WDR38: variants seen among roughly 807,000 people sequenced by gnomAD.
WDR38 encodes the protein WD repeat-containing protein 38.
In WDR38, 37 loss-of-function variants were observed where a neutral mutation model predicts 36.6. The observed-to-expected ratio is 1.01, with a 90% CI of 0.78 to 1.33. WDR38 has a LOEUF of 1.33. WDR38 is among the 40% of genes most tolerant of loss of function. The pLI is 0.00. For synonymous variants in WDR38, 164 were observed against 168.1 expected (o/e 0.98, Z 0.19); for missense variants, 411 against 414.6 (o/e 0.99, Z 0.07).
rs1588032590 is a variant in WDR38, at chr9:124,856,223, C to G, written c.406-17C>G. ...GGCTGCCCTCTGCTGCCTTCTGCAG[C>G]TCAGGGCTCTCTCTAGTCCGGCCAG... is the stretch of plus-strand genomic sequence containing the variant. On this transcript the variant is annotated splice_polypyrimidine_tract_variant and intron_variant, in intron 4 of 8. Coordinates refer to ENST00000373574, the MANE Select transcript of WDR38 (RefSeq NM_001045476.3). 3 of 1,614,114 alleles carry G rather than the reference C, an allele frequency of 1.9e-6. No individual in the cohort carries two copies. Among genetic ancestry groups the G allele is most frequent in the Non-Finnish European group, 2.5e-6 (3 of 1,180,046 alleles).
chr9:124,854,323 C>G lies in WDR38; in HGVS notation c.188C>G (p.Thr63Arg). The change falls in exon 2 of 9, where the codon ACA becomes AGA. Residue 63 changes from threonine to arginine, a missense_variant and splice_region_variant. Coordinates refer to ENST00000373574, the MANE Select transcript of WDR38 (RefSeq NM_001045476.3). ...CTGCTGTGGAGGCTGGGTGGCCACA[C>G]AGGTGGGGCTCCCACACCTGGCCGG... ...GQLLWRLGGH[T>R]GPVKFCRFSP... The G allele has an allele frequency of 5.0e-6, 8 of 1,613,640 alleles. No homozygotes were observed. Among genetic ancestry groups the G allele is most frequent in the Non-Finnish European group, 6.8e-6 (8 of 1,179,924 alleles).
rs780110177 is a variant in WDR38, at chr9:124,857,654, G to A, written c.*24G>A. 80 of 1,612,498 alleles carry A rather than the reference G, an allele frequency of 5.0e-5. No individual in the cohort carries two copies. Among genetic ancestry groups the A allele is most frequent in the Non-Finnish European group, 5.8e-5 (68 of 1,179,906 alleles). On this transcript the variant is annotated 3_prime_UTR_variant, in exon 9 of 9. Coordinates refer to ENST00000373574, the MANE Select transcript of WDR38 (RefSeq NM_001045476.3). Reference sequence around the variant, plus strand: ...AACACCAACCACCTTAGATGGTGCCGACCTCACCCGCTCCCCTCAGTGGCG... The same window carrying A: ...AACACCAACCACCTTAGATGGTGCCAACCTCACCCGCTCCCCTCAGTGGCG...
At chr9:124,856,166 C>A (rs1161556008) in intron 4 of WDR38, 74 bp from the exon 5 acceptor site, 1 of 1,598,654 alleles carries the variant, frequency 6.3e-7, no homozygotes, top group African/African-American at 1.3e-5. Flanking sequence ...GCACGAGGTC[C>A]CCCTTTCCTG....
In WDR38 at chr9:124,855,870, G is replaced by T. The variant is rs267602127; in HGVS notation, c.317G>T (p.Arg106Leu). The T allele has an allele frequency of 1.2e-6, 2 of 1,614,026 alleles. No homozygotes were observed. The highest frequency in any genetic ancestry group is 2.7e-5 in the African/African-American group (2 of 74,926). ...KCLRVLKGHQRSVETVSFSPD... is the reference protein window; with the variant it reads ...KCLRVLKGHQLSVETVSFSPD... Reference sequence around the variant, plus strand: ...GGGCTGGTGCCTGCAGGTCACCAACGGAGTGTGGAGACGGTCAGCTTCAGC... The same window carrying T: ...GGGCTGGTGCCTGCAGGTCACCAACTGAGTGTGGAGACGGTCAGCTTCAGC... The change falls in exon 4 of 9, where the codon CGG becomes CTG. Residue 106 changes from arginine (R) to leucine (L), a missense_variant. By Grantham distance (102) the Arg-to-Leu change is moderately radical. Coordinates refer to ENST00000373574, the MANE Select transcript of WDR38 (RefSeq NM_001045476.3).
At position 124,857,527 on chromosome 9, in the gene WDR38, G is replaced by C. The variant is rs751399069; in HGVS notation, c.842G>C (p.Cys281Ser). 1 of 1,614,068 alleles carries C rather than the reference G, an allele frequency of 6.2e-7. No individual in the cohort carries two copies. Among genetic ancestry groups the C allele is most frequent in the Non-Finnish European group, 8.5e-7 (1 of 1,180,036 alleles). ...LKGVLDVAHT[C>S]AFTPDGKILV... ...GGAGTCCTGGATGTGGCCCACACCT[G>C]TGCCTTCACCCCAGATGGGAAAATC... Residue 281 changes from cysteine (C) to serine (S), a missense_variant, in exon 9 of 9, where the codon TGT (cysteine) becomes TCT (serine). Cys to Ser is a moderately radical substitution (Grantham distance 112). Coordinates refer to ENST00000373574, the MANE Select transcript of WDR38 (RefSeq NM_001045476.3).
In WDR38 at chr9:124,853,522, C is replaced by T. The variant is rs1334036193; in HGVS notation, c.-10C>T. The T allele has an allele frequency of 4.0e-6, 5 of 1,243,254 alleles. No individual in the cohort carries two copies. In the East Asian group the frequency reaches 1.3e-4, roughly 31 times the overall value. The allele number at this position is 1,243,254 out of a possible 1,614,324, so 77.0% of individuals were successfully genotyped here. A position where few individuals can be genotyped will look rare whatever the true frequency, so the allele number is the denominator to read the frequency against. ...GGGAGCCCGCCGGGGCGGGGCGGGG[C>T]CGGGTGCCCATGAACAGCGGGGTCC... On this transcript the variant is annotated 5_prime_UTR_variant, in exon 1 of 9. Transcript: ENST00000373574.
In WDR38 at chr9:124,856,904, G is replaced by A. The variant is rs116715296; in HGVS notation, c.768+23G>A. 1,542 of 1,612,468 alleles carry A rather than the reference G, an allele frequency of 9.6e-4. 17 individuals carry two copies. The African/African-American group carries it at 0.018, about 19-fold the overall frequency. On this transcript the variant is annotated intron_variant, in intron 7 of 8. Transcript: ENST00000373574. ...ATGGTAACCACCCCGGGCCCATCCT[G>A]CTCCTACCTACCCATCCTCACCCCA...
Position 124,857,668 on chromosome 9 carries a change from C to G in WDR38, c.*38C>G. 6.2e-7 allele frequency: 1 copy of G among 1,611,498 alleles called. No individual in the cohort carries two copies. Among genetic ancestry groups the G allele is most frequent in the South Asian group, 1.1e-5 (1 of 90,986 alleles). ...TAGATGGTGCCGACCTCACCCGCTC[C>G]CCTCAGTGGCGCACAGGCATGCCGC... On this transcript the variant is annotated 3_prime_UTR_variant, in exon 9 of 9. Coordinates refer to ENST00000373574, the MANE Select transcript of WDR38 (RefSeq NM_001045476.3).
In WDR38 at chr9:124,855,659, C is replaced by T; in HGVS notation, c.216C>T (p.Ser72=). The T allele has an allele frequency of 6.2e-7, 1 of 1,612,158 alleles. No homozygotes were observed. Among genetic ancestry groups the T allele is most frequent in the Non-Finnish European group, 8.5e-7 (1 of 1,180,032 alleles). The change falls in exon 3 of 9, where the codon TCC becomes TCT. Residue 72 remains serine, a synonymous_variant. Transcript: ENST00000373574. ...HTGPVKFCRF[S]PDGHLFASAS... ...GCCCCGTGAAGTTCTGCCGCTTCTC[C>T]CCTGATGGCCACCTCTTCGCCAGCG... is the stretch of plus-strand genomic sequence containing the variant.
Position 124,856,453 on chromosome 9 carries a change from CAG to C in WDR38, c.487-14_487-13del. ...TGGAGAGCTGGCTGGGCCAGACTCA[CAG>C]AAGCTGCCTGCAGGCCACCGGCTCC... On this transcript the variant is annotated splice_polypyrimidine_tract_variant and intron_variant, in intron 5 of 8. Coordinates refer to ENST00000373574, the MANE Select transcript of WDR38 (RefSeq NM_001045476.3). 6.2e-7 allele frequency: 1 copy of C among 1,612,170 alleles called. No homozygotes were observed. Among genetic ancestry groups the C allele is most frequent in the Non-Finnish European group, 8.5e-7 (1 of 1,179,228 alleles).
chr9:124,855,592 G>A (rs746321595), intron 2 of WDR38, 42 bp from the exon 3 acceptor site: 1 of 1,572,612 alleles, frequency 6.4e-7, no homozygotes, highest in African/African-American at 1.3e-5. Context: ...GGGCAGAAGT[G>A]GCGGGCAGTG....
At chr9:124,854,137 T>TA (rs1828981717) in intron 1 of WDR38, 68 bp from the exon 2 acceptor site, 3 of 1,601,578 alleles carry the variant, frequency 1.9e-6, no homozygotes, top group Admixed American at 3.3e-5. Context: ...GGGGCAGTGT[T>TA]TAGGGGTCAG....
intron 2 of WDR38, among the ~76,000 whole-genome samples, chr9:124,854,755 G>T (rs113026842): frequency 6.4e-4 from 97 of 152,178 alleles, no homozygotes; most frequent in African/African-American, 2.2e-3. Flanking sequence ...TAGTAGAGAC[G>T]GGGTTTCACC....
In WDR38 at chr9:124,857,375, G is replaced by A; in HGVS notation, c.780G>A (p.Trp260Ter). The change falls in exon 8 of 9, where the codon TGG becomes TGA. Residue 260 changes from tryptophan to a stop codon, truncating the protein, a stop_gained. Transcript: ENST00000373574. LOFTEE classifies it low-confidence loss of function (END_TRUNC). ...CCCTCCTTTTCCAGGTCAAAGTCTG[G>A]GACTGCAACACAGGAAAGTGCCTTG... ...SAGYSRMVKV[W>*]DCNTGKCLET... The A allele has an allele frequency of 6.2e-7, 1 of 1,614,100 alleles. No individual in the cohort carries two copies. Among genetic ancestry groups the A allele is most frequent in the South Asian group, 1.1e-5 (1 of 91,068 alleles).
At chr9:124,853,951 G>C (rs1212280839) in intron 1 of WDR38, among the ~76,000 whole-genome samples, 1 of 152,144 alleles carries the variant, frequency 6.6e-6, no homozygotes, top group Non-Finnish European at 1.5e-5. Flanking sequence ...TGTCAGCTGC[G>C]GCTCTGGAAT....
chr9:124,853,754 T>C (rs1395525612), intron 1 of WDR38, among the ~76,000 whole-genome samples, 154 bp downstream of exon 1: 1 of 152,072 alleles, frequency 6.6e-6, no homozygotes, highest in Non-Finnish European at 1.5e-5. Flanking sequence ...TCGAAGTAGG[T>C]TCTCAGCTCC....
intron 2 of WDR38, among the ~76,000 whole-genome samples, chr9:124,854,987 A>G (rs4838229): frequency 0.95 from 144,227 of 152,264 alleles, 68,589 homozygotes; most frequent in Non-Finnish European, 0.99. Context: ...CAAGTCCCCA[A>G]TCTCCCTCCT....
At chr9:124,856,355 T>A in intron 5 of WDR38, 35 bp downstream of exon 5, 1 of 1,613,346 alleles carries the variant, frequency 6.2e-7, no homozygotes, top group Non-Finnish European at 8.5e-7. Context: ...CCCACCTCAG[T>A]GGCCCCATAC....
intron 1 of WDR38, 80 bp from the exon 2 acceptor site, chr9:124,854,124 TG>T: frequency 1.3e-6 from 2 of 1,586,242 alleles, no homozygotes; most frequent in Non-Finnish European, 8.6e-7. Flanking sequence ...CCCAGGCTCT[TG>T]GGGGGCAGTG....
Sources: gnomAD v4.1 joint callset for allele counts (sites outside exome capture counted in the v4.1 genomes callset) on GRCh38, gnomAD v4.1.1 for gene constraint, MANE v1.5 for transcripts, NCBI Gene and HGNC (gene_info 2026-07-23, HGNC 2026-07-21) for gene names.